The following RBPJ variants were observed in gnomAD, a reference collection of about 807,000 sequenced individuals.
RBPJ encodes the protein recombining binding protein suppressor of hairless.
A neutral mutation model predicts 67.8 loss-of-function variants in RBPJ; 9 were observed. The ratio of observed to expected loss-of-function variants is 0.13; its 90% CI spans 0.08 to 0.23. RBPJ has a LOEUF of 0.23. Among genes scored for constraint, RBPJ ranks in the 10% least tolerant of loss-of-function variants. RBPJ has a pLI of 1.00. For synonymous variants in RBPJ, 198 were observed against 203.3 expected, an observed-to-expected ratio of 0.97 and a Z score of 0.22; for missense variants, 305 against 595.6, an observed-to-expected ratio of 0.51 and a Z score of 5.08.
intron 1 of RBPJ, among the ~76,000 whole-genome samples, chr4:26,231,670 C>CCAAA (rs1719290604): frequency 6.6e-6 from 1 of 151,816 alleles, no homozygotes; most frequent in Non-Finnish European, 1.5e-5. Flanking sequence ...TTTCGGCCTC[C>CCAAA]CAAAGTGTTG....
intron 7 of RBPJ, among the ~76,000 whole-genome samples, chr4:26,426,978 G>A (rs960879455): frequency 2.6e-5 from 4 of 152,140 alleles, no homozygotes; most frequent in Non-Finnish European, 5.9e-5. Flanking sequence ...GATTTTAAAC[G>A]GGGCACGATG....
chr4:26,263,171 G>A (rs917283843), intron 1 of RBPJ, among the ~76,000 whole-genome samples: 1 of 151,954 alleles, frequency 6.6e-6, no homozygotes, highest in Non-Finnish European at 1.5e-5. Flanking sequence ...AAATAAACCC[G>A]AATATAAAAC....
intron 1 of RBPJ, among the ~76,000 whole-genome samples, chr4:26,269,881 A>G (rs1720821401): frequency 6.6e-6 from 1 of 152,140 alleles, no homozygotes; most frequent in African/African-American, 2.4e-5. Flanking sequence ...TTATTTTTAG[A>G]AAGGACCCAG....
chr4:26,161,597 GA>G (rs1716079280), upstream of RBPJ, among the ~76,000 whole-genome samples: 1 of 152,164 alleles, frequency 6.6e-6, no homozygotes, highest in Non-Finnish European at 1.5e-5. Flanking sequence ...TTGTCCTCAG[GA>G]AAGTGGATGG....
chr4:26,360,454 T>TG (rs1727917342), intron 1 of RBPJ, among the ~76,000 whole-genome samples: 1 of 152,322 alleles, frequency 6.6e-6, no homozygotes, highest in South Asian at 2.1e-4. Context: ...CCTATTGTGT[T>TG]GCGGGCTTTG....
At chr4:26,334,185 C>T (rs1560273348) in intron 1 of RBPJ, among the ~76,000 whole-genome samples, 1 of 151,834 alleles carries the variant, frequency 6.6e-6, no homozygotes, top group Admixed American at 6.6e-5. Flanking sequence ...GGATTATAGG[C>T]GCCCACCACA....
intron 1 of RBPJ, among the ~76,000 whole-genome samples, chr4:26,379,995 C>T (rs774039448): frequency 3.9e-5 from 6 of 152,138 alleles, no homozygotes; most frequent in Non-Finnish European, 7.3e-5. Flanking sequence ...TATACCTAGC[C>T]AAGTTTCGAG....
intron 1 of RBPJ, among the ~76,000 whole-genome samples, chr4:26,366,767 A>G (rs1323801411): frequency 1.3e-5 from 2 of 152,148 alleles, no homozygotes; most frequent in Non-Finnish European, 2.9e-5. Flanking sequence ...TTTACAATAC[A>G]TCCTAGTTGT....
At chr4:26,127,420 A>G in the RBPJ span, among the ~76,000 whole-genome samples, 3 of 152,208 alleles carry the variant, frequency 2.0e-5, no homozygotes, top group Non-Finnish European at 4.4e-5. Flanking sequence ...TAGCAGGATC[A>G]TGTGGTAGAA....
At chr4:26,182,567 C>T (rs1209397529) in intron 1 of RBPJ, among the ~76,000 whole-genome samples, 1 of 150,328 alleles carries the variant, frequency 6.7e-6, no homozygotes, top group Admixed American at 6.6e-5. Flanking sequence ...GATCACGGCT[C>T]ACTGCTGCCT....
intron 1 of RBPJ, among the ~76,000 whole-genome samples, chr4:26,219,833 T>C (rs893701298): frequency 1.3e-5 from 2 of 152,114 alleles, no homozygotes; most frequent in African/African-American, 2.4e-5. Context: ...TGGAGTGCAG[T>C]GGCACAATCT....
intron 1 of RBPJ, among the ~76,000 whole-genome samples, chr4:26,228,280 G>A (rs1560219609): frequency 1.3e-5 from 2 of 152,210 alleles, no homozygotes; most frequent in Non-Finnish European, 2.9e-5. Context: ...ATTTTCTCTA[G>A]TTGCTGTTTT....
chr4:26,385,952 A>G (rs1283818102), intron 1 of RBPJ, among the ~76,000 whole-genome samples: 1 of 152,072 alleles, frequency 6.6e-6, no homozygotes, highest in African/African-American at 2.4e-5. Context: ...ACAGACAAGC[A>G]CCACAACACC....
chr4:26,212,662 G>A (rs1157246554), intron 1 of RBPJ, among the ~76,000 whole-genome samples: 5 of 151,816 alleles, frequency 3.3e-5, no homozygotes, highest in Non-Finnish European at 7.4e-5. Context: ...GTCTGATTGT[G>A]GTCAGAAGAC....
At chr4:26,217,556 A>T (rs1718760252) in intron 1 of RBPJ, among the ~76,000 whole-genome samples, 1 of 152,178 alleles carries the variant, frequency 6.6e-6, no homozygotes, top group Non-Finnish European at 1.5e-5. Flanking sequence ...ATGCCCAGCA[A>T]CTTGGAAGGT....
upstream of RBPJ, chr4:26,319,531 C>G (rs1323556915): frequency 4.1e-6 from 1 of 244,378 alleles, no homozygotes; most frequent in Non-Finnish European, 7.9e-6. Flanking sequence ...CGAACGGCGC[C>G]CGGAGCTGGT....
intron 1 of RBPJ, among the ~76,000 whole-genome samples, chr4:26,361,107 A>G (rs1368250859): frequency 6.7e-6 from 1 of 149,866 alleles, no homozygotes; most frequent in African/African-American, 2.5e-5. Flanking sequence ...AGGTTGTTTT[A>G]AGGAGGAATG....
chr4:26,399,031 A>C (rs575011343), intron 2 of RBPJ, among the ~76,000 whole-genome samples: 15 of 152,284 alleles, frequency 9.9e-5, no homozygotes, highest in African/African-American at 3.4e-4. Flanking sequence ...TGTTTTAACA[A>C]ACTTAGGAAT....
At chr4:26,266,856 T>A (rs1720719390) in intron 1 of RBPJ, among the ~76,000 whole-genome samples, 1 of 152,160 alleles carries the variant, frequency 6.6e-6, no homozygotes, top group Admixed American at 6.5e-5. Flanking sequence ...AACACCACAA[T>A]TCCCAGGCAA....
Sources: allele counts gnomAD v4.1 joint callset (sites outside exome capture counted in the v4.1 genomes callset), GRCh38; gene constraint gnomAD v4.1.1; transcripts MANE v1.5; gene names NCBI Gene and HGNC (gene_info 2026-07-23, HGNC 2026-07-21).